Variants in ATRN observed in about 807,000 individuals in gnomAD.
ATRN encodes the protein attractin.
ATRN carries 54 observed loss-of-function variants against 178.7 expected under a neutral mutation model. The ratio of observed to expected loss-of-function variants is 0.30; its 90% confidence interval spans 0.24 to 0.38. The LOEUF is 0.38. Among genes scored for constraint, ATRN ranks in the 10% least tolerant of loss-of-function variants. The pLI, the probability that ATRN is intolerant of heterozygous loss-of-function variation, is 1.00. For synonymous variants in ATRN, 636 were observed against 663.0 expected (o/e 0.96, Z 0.63); for missense variants, 1,443 against 1,815.1 (o/e 0.79, Z 3.73).
intron 1 of ATRN, among the ~76,000 whole-genome samples, chr20:3,495,010 A>T (rs1375189399): frequency 6.6e-6 from 1 of 152,216 alleles, no homozygotes; most frequent in African/African-American, 2.4e-5. Flanking sequence ...CTAAATATTA[A>T]AACATATAGA....
rs760889229 is a variant in ATRN at position 3,559,476 on chromosome 20, T to C, written c.1196T>C (p.Leu399Ser). The change falls in exon 7 of 29, where the codon TTA (leucine) becomes TCA (serine). Residue 399 changes from leucine to serine, a missense_variant. Coordinates refer to ENST00000262919, the MANE Select transcript of ATRN (RefSeq NM_139321.3). The part of the protein sequence containing the change: ...VVVRYGHSLA[L>S]YKDKIYMYGG... ...GTTAGATATGGTCATTCTTTGGCAT[T>C]ATACAAGGTAAAGCATCTCCACTCT... 6.2e-7 allele frequency: 1 copy of C among 1,612,794 alleles called. No homozygotes were observed. The highest frequency in any genetic ancestry group is 8.5e-7 in the Non-Finnish European group (1 of 1,178,826).
intron 1 of ATRN, chr20:3,490,576 T>C: frequency 9.4e-7 from 1 of 1,065,768 alleles, no homozygotes; most frequent in Non-Finnish European, 1.5e-6. Context: ...GTTAATGTAC[T>C]TGAGGTAACA....
chr20:3,572,346 AT>A (rs1445169474), intron 11 of ATRN, among the ~76,000 whole-genome samples: 1 of 152,248 alleles, frequency 6.6e-6, no homozygotes, highest in Non-Finnish European at 1.5e-5. Flanking sequence ...GAACTTTTTA[AT>A]ACAGTAGCTA....
chr20:3,542,025 A>G (rs1451787773), intron 3 of ATRN, among the ~76,000 whole-genome samples: 1 of 152,128 alleles, frequency 6.6e-6, no homozygotes. Flanking sequence ...TCTCTGACAT[A>G]TCTTTGAACT....
intron 1 of ATRN, among the ~76,000 whole-genome samples, chr20:3,501,034 T>G (rs899061838): frequency 1.3e-5 from 2 of 152,104 alleles, no homozygotes; most frequent in Non-Finnish European, 2.9e-5. Flanking sequence ...GATTATACAT[T>G]TCTAGAGGGA....
intron 10 of ATRN, among the ~76,000 whole-genome samples, chr20:3,563,882 A>G (rs944052534): frequency 6.6e-6 from 1 of 152,210 alleles, no homozygotes; most frequent in Non-Finnish European, 1.5e-5. Flanking sequence ...TAAAATACAC[A>G]TAAAATTTAC....
chr20:3,491,711 G>A (rs995062012), intron 1 of ATRN, among the ~76,000 whole-genome samples: 2 of 152,162 alleles, frequency 1.3e-5, no homozygotes, highest in African/African-American at 4.8e-5. Context: ...AAACCTGGGT[G>A]TTTTCTTTAT....
At chr20:3,529,844 G>T (rs894567857) in intron 1 of ATRN, among the ~76,000 whole-genome samples, 6 of 152,142 alleles carry the variant, frequency 3.9e-5, no homozygotes, top group Non-Finnish European at 5.9e-5. Flanking sequence ...AATCAAATTG[G>T]TATAGCAGTC....
At chr20:3,640,649 C>T (rs147938775) in intron 27 of ATRN, among the ~76,000 whole-genome samples, 216 of 152,288 alleles carry the variant, frequency 1.4e-3, no homozygotes, top group East Asian at 6.4e-3. Context: ...AGAAACTGAA[C>T]GTTAGTGCAC....
chr20:3,484,587 C>T (rs1252959073), intron 1 of ATRN, among the ~76,000 whole-genome samples: 6 of 152,156 alleles, frequency 3.9e-5, no homozygotes, highest in African/African-American at 1.2e-4. Context: ...TCATTTAAAA[C>T]TTCAGACTTG....
At chr20:3,604,956 C>T (rs1228038689) in intron 24 of ATRN, among the ~76,000 whole-genome samples, 3 of 152,244 alleles carry the variant, frequency 2.0e-5, no homozygotes, top group Admixed American at 6.5e-5. Context: ...ACTCATGTCA[C>T]CTGGGGCCTT....
intron 1 of ATRN, among the ~76,000 whole-genome samples, chr20:3,529,824 G>C (rs1392670020): frequency 6.6e-6 from 1 of 152,068 alleles, no homozygotes; most frequent in African/African-American, 2.4e-5. Flanking sequence ...TTAAAGATTT[G>C]GTTGGAAGGA....
intron 25 of ATRN, chr20:3,629,135 T>TCCCCA (rs2086970046): frequency 1.0e-6 from 1 of 984,850 alleles, no homozygotes; most frequent in African/African-American, 1.8e-5. Context: ...CCACCTCCAC[T>TCCCCA]CCCCACCCCA....
At chr20:3,565,961 G>A (rs2086030072) in intron 11 of ATRN, among the ~76,000 whole-genome samples, 1 of 152,102 alleles carries the variant, frequency 6.6e-6, no homozygotes, top group Non-Finnish European at 1.5e-5. Context: ...TACTTTGAAT[G>A]CCATGTTTAT....
Position 3,559,411 on chromosome 20 carries a change from G to C in ATRN, c.1131G>C (p.Arg377Ser). 6.2e-7 allele frequency: 1 copy of C among 1,613,564 alleles called. No individual in the cohort carries two copies. The highest frequency in any genetic ancestry group is 8.5e-7 in the Non-Finnish European group (1 of 1,179,514). Residue 377 changes from arginine (R) to serine (S), a missense_variant, in exon 7 of 29, where the codon AGG becomes AGC. Physicochemically the swap from Arg to Ser is moderately radical, Grantham distance 110. Coordinates refer to ENST00000262919, the MANE Select transcript of ATRN (RefSeq NM_139321.3). Reference sequence around the variant, plus strand: ...TTTGTAGGTATGACCTTGCTTCTAGGGAGTGGCTTCCACTAAACCGTTCTG... The same window carrying C: ...TTTGTAGGTATGACCTTGCTTCTAGCGAGTGGCTTCCACTAAACCGTTCTG... ...NMVLAYDLASREWLPLNRSVN... is the reference protein window; with the variant it reads ...NMVLAYDLASSEWLPLNRSVN...
intron 1 of ATRN, among the ~76,000 whole-genome samples, chr20:3,504,684 TTAAGATAATAATAA>T (rs1176197656): frequency 1.7e-5 from 2 of 120,300 alleles, no homozygotes; most frequent in African/African-American, 6.4e-5. Flanking sequence ...AAACTCTGTC[TTAAGATAATAATAA>T]TAATAATAAT....
intron 24 of ATRN, among the ~76,000 whole-genome samples, chr20:3,611,626 C>G (rs1272026013): frequency 6.6e-6 from 1 of 152,186 alleles, no homozygotes; most frequent in African/African-American, 2.4e-5. Context: ...CCTATAGTCC[C>G]AGCTACTCAG....
intron 1 of ATRN, among the ~76,000 whole-genome samples, chr20:3,486,688 G>A (rs1600012491): frequency 6.6e-6 from 1 of 151,990 alleles, no homozygotes; most frequent in Admixed American, 6.6e-5. Context: ...AACCATTCTG[G>A]TTTTTTATAA....
At chr20:3,631,630 A>G (rs1002842489) in intron 25 of ATRN, among the ~76,000 whole-genome samples, 5 of 152,120 alleles carry the variant, frequency 3.3e-5, no homozygotes, top group Non-Finnish European at 7.4e-5. Flanking sequence ...ACAGATCTTC[A>G]CTGAATACAG....
Sources: allele counts gnomAD v4.1 joint callset (sites outside exome capture counted in the v4.1 genomes callset), GRCh38; gene constraint gnomAD v4.1.1; transcripts MANE v1.5; gene names NCBI Gene and HGNC (gene_info 2026-07-23, HGNC 2026-07-21).